FAM13A: variants seen among roughly 807,000 people sequenced by gnomAD.
FAM13A encodes the protein protein FAM13A.
In FAM13A, 76 loss-of-function variants were observed where a neutral mutation model predicts 129.6. The observed-to-expected ratio is 0.59, with a 90% CI of 0.49 to 0.71. The LOEUF is 0.71. Ranked by LOEUF, FAM13A falls within the 30% of genes least tolerant of loss-of-function variation. The pLI is 0.00. For missense variants in FAM13A, 1,108 were observed against 1,249.3 expected (o/e 0.89, Z 1.70); for synonymous variants, 443 against 449.9 (o/e 0.98, Z 0.20).
intron 4 of FAM13A, among the ~76,000 whole-genome samples, chr4:88,982,417 T>C (rs1039123617): frequency 1.3e-5 from 2 of 152,230 alleles, no homozygotes; most frequent in African/African-American, 2.4e-5. Context: ...ATTCTAACTC[T>C]GCCAATTGCT....
chr4:88,740,211 C>G (rs1025830343), intron 19 of FAM13A, among the ~76,000 whole-genome samples: 1 of 152,224 alleles, frequency 6.6e-6, no homozygotes, highest in African/African-American at 2.4e-5. Flanking sequence ...CTTCTTCCAA[C>G]ATCCCCCATT....
chr4:88,834,958 C>T (rs182438486), intron 7 of FAM13A, among the ~76,000 whole-genome samples: 262 of 151,736 alleles, frequency 1.7e-3, no homozygotes, highest in African/African-American at 6.1e-3. Context: ...TGCATTACAG[C>T]TTTTTTTTTC....
chr4:88,970,499 CTATA>C (rs1294448581), intron 4 of FAM13A, among the ~76,000 whole-genome samples: 2 of 150,386 alleles, frequency 1.3e-5, no homozygotes, highest in South Asian at 2.1e-4. Flanking sequence ...TATAGATACA[CTATA>C]TATATTTGAT....
chr4:88,831,288 T>G (rs563131723), intron 7 of FAM13A, among the ~76,000 whole-genome samples: 3 of 152,332 alleles, frequency 2.0e-5, no homozygotes, highest in Admixed American at 1.3e-4. Flanking sequence ...ACACAACAGC[T>G]GCTACCACAC....
rs755100123 is a variant in FAM13A, at chr4:88,846,265, T to G, written c.1007+4755A>C. On this transcript the variant is annotated intron_variant, in intron 7 of 23. Transcript: ENST00000264344. Reference sequence around the variant, plus strand: ...TTTCTGCTTACAAACAATGGAACTATGATTTTTTATGAAATTTCCAAGATG... The same window carrying G: ...TTTCTGCTTACAAACAATGGAACTAGGATTTTTTATGAAATTTCCAAGATG... Among the ~76,000 whole-genome samples, 4 of 152,362 alleles carry G rather than the reference T, an allele frequency of 2.6e-5. No individual in the cohort carries two copies. The East Asian group carries it at 7.7e-4, about 29-fold the overall frequency.
chr4:88,912,455 C>A (rs1045833548), intron 5 of FAM13A, among the ~76,000 whole-genome samples: 1 of 152,062 alleles, frequency 6.6e-6, no homozygotes, highest in African/African-American at 2.4e-5. Flanking sequence ...GCCATGCTAC[C>A]AGCTTCCCTG....
At chr4:88,967,024 T>C (rs1408448949) in intron 4 of FAM13A, among the ~76,000 whole-genome samples, 1 of 152,214 alleles carries the variant, frequency 6.6e-6, no homozygotes, top group Admixed American at 6.5e-5. Flanking sequence ...ACTAGCCGCA[T>C]GCATTGTGAA....
rs760605608 is a variant in FAM13A, at chr4:88,746,936, C to T, written c.2462G>A (p.Arg821Gln). Residue 821 changes from arginine to glutamine, a missense_variant, in exon 19 of 24, where the codon CGG becomes CAG. By Grantham distance (43) the Arg-to-Gln change is conservative (BLOSUM62 1). Transcript: ENST00000264344. ...ALLYYESIHGRPVTKNERQVM... is the reference protein window; with the variant it reads ...ALLYYESIHGQPVTKNERQVM... ...AAAATTTACTACATCACATACCGGC[C>T]GTCCATGAATGCTTTCATAATATAA... The T allele has an allele frequency of 1.2e-5, 19 of 1,608,294 alleles. No homozygotes were observed. The highest frequency in any genetic ancestry group is 1.0e-4 in the Admixed American group (6 of 59,964).
At chr4:88,859,621 G>A (rs1739147343) in intron 6 of FAM13A, among the ~76,000 whole-genome samples, 1 of 152,194 alleles carries the variant, frequency 6.6e-6, no homozygotes, top group African/African-American at 2.4e-5. Flanking sequence ...GAGGAAGCAT[G>A]AAGGGCTTGA....
chr4:88,735,405 A>G (rs1159341470), intron 21 of FAM13A, among the ~76,000 whole-genome samples: 2 of 152,222 alleles, frequency 1.3e-5, no homozygotes, highest in African/African-American at 2.4e-5. Flanking sequence ...AACTCCTTCC[A>G]TTGCTGTAAA....
intron 13 of FAM13A, among the ~76,000 whole-genome samples, chr4:88,763,037 A>G (rs1185924203): frequency 6.6e-6 from 1 of 152,190 alleles, no homozygotes; most frequent in East Asian, 1.9e-4. Context: ...GAGACAACAG[A>G]GTATGGCATA....
intron 6 of FAM13A, among the ~76,000 whole-genome samples, chr4:88,862,170 T>C (rs1561189870): frequency 1.3e-5 from 2 of 152,214 alleles, no homozygotes; most frequent in Non-Finnish European, 2.9e-5. Flanking sequence ...CATGCATATA[T>C]ACATATGAGC....
intron 13 of FAM13A, among the ~76,000 whole-genome samples, chr4:88,762,271 AGGCATTC>A (rs1744956887): frequency 6.6e-6 from 1 of 152,200 alleles, no homozygotes; most frequent in African/African-American, 2.4e-5. Context: ...ATATATAATG[AGGCATTC>A]GGTCATTCAC....
intron 20 of FAM13A, among the ~76,000 whole-genome samples, chr4:88,738,187 G>T (rs1578427389): frequency 1.3e-5 from 2 of 152,270 alleles, no homozygotes; most frequent in East Asian, 3.9e-4. Flanking sequence ...GGCATTTAAG[G>T]CCGGGCCAGA....
intron 4 of FAM13A, among the ~76,000 whole-genome samples, chr4:88,968,325 TTA>T (rs1447959336): frequency 6.6e-6 from 1 of 152,212 alleles, no homozygotes; most frequent in Admixed American, 6.5e-5. Context: ...TTTGCAACAC[TTA>T]TGTTCTAAAC....
chr4:89,022,464 G>GA (rs1032832013), intron 2 of FAM13A, among the ~76,000 whole-genome samples: 8 of 152,142 alleles, frequency 5.3e-5, no homozygotes, highest in East Asian at 1.9e-4. Flanking sequence ...CTCCAATTCT[G>GA]AAAAAAATTG....
At chr4:88,829,641 A>T (rs756690832) in intron 7 of FAM13A, among the ~76,000 whole-genome samples, 1 of 152,240 alleles carries the variant, frequency 6.6e-6, no homozygotes, top group Non-Finnish European at 1.5e-5. Context: ...GTTTTCCAGC[A>T]AACTGTGTTA....
intron 6 of FAM13A, among the ~76,000 whole-genome samples, chr4:88,856,256 G>T (rs904524271): frequency 8.6e-5 from 13 of 151,970 alleles, no homozygotes; most frequent in Non-Finnish European, 1.6e-4. Flanking sequence ...AAGATGGGGG[G>T]ATTGCTTGAG....
At chr4:88,906,569 G>T in intron 5 of FAM13A, 107 bp from the exon 6 acceptor site, 1 of 732,068 alleles carries the variant, frequency 1.4e-6, no homozygotes, top group Non-Finnish European at 2.3e-6. Context: ...TTTCTGGATT[G>T]AGTTGTTCAC....
Sources: gnomAD v4.1 joint callset for allele counts (sites outside exome capture counted in the v4.1 genomes callset) on GRCh38, gnomAD v4.1.1 for gene constraint, MANE v1.5 for transcripts, NCBI Gene and HGNC (gene_info 2026-07-23, HGNC 2026-07-21) for gene names.